EIF3L: variants seen among roughly 807,000 people sequenced by gnomAD.
EIF3L encodes eukaryotic translation initiation factor 3 subunit L.
Under a neutral mutation model 74.6 loss-of-function variants are expected in EIF3L, and 32 were observed. The observed-to-expected ratio is 0.43, with a 90% CI of 0.32 to 0.58. EIF3L has a LOEUF of 0.58. Among genes scored for constraint, EIF3L ranks in the 20% least tolerant of loss-of-function variants. The pLI is 0.06. For missense variants in EIF3L, 474 were observed against 707.8 expected, an observed-to-expected ratio of 0.67 and a Z score of 3.75; for synonymous variants, 256 against 254.4, an observed-to-expected ratio of 1.01 and a Z score of -0.06.
intron 10 of EIF3L, chr22:37,876,826 G>C (rs2145834365): frequency 6.6e-6 from 1 of 151,212 alleles, no homozygotes; most frequent in Non-Finnish European, 1.5e-5. Flanking sequence ...AGGAGGATGG[G>C]TTCAAGAATT....
intron 9 of EIF3L, 58 bp from the exon 10 acceptor site, chr22:37,875,783 C>G: frequency 6.5e-7 from 1 of 1,531,630 alleles, no homozygotes; most frequent in Admixed American, 1.8e-5. Flanking sequence ...GTTTCTACCT[C>G]TGGTTCTATC....
chr22:37,855,782 G>A (rs1032037786), intron 4 of EIF3L, 138 bp downstream of exon 4: 6 of 623,604 alleles, frequency 9.6e-6, no homozygotes, highest in Non-Finnish European at 1.7e-5. Context: ...TAGGTCCTTG[G>A]CAAAATAACT....
At position 37,868,634 on chromosome 22, in the gene EIF3L, CTT is replaced by C. The variant is rs71195065; in HGVS notation, c.580-1518_580-1517del. 4.4e-4 allele frequency among the ~76,000 whole-genome samples: 11 copies of C among 25,128 alleles called. 1 individual carries two copies. The highest frequency in any genetic ancestry group is 1.3e-3 in the African/African-American group (9 of 7,006). 16.5% of individuals were successfully genotyped at this position (25,128 alleles called of 152,430 possible). ...ACACCTGGCTATTTTTGTTTTGGTGCTTTTTTTTTTTTTTTTTTTTTTTTTGA... is the reference window on the plus strand; with the variant it reads ...ACACCTGGCTATTTTTGTTTTGGTGCTTTTTTTTTTTTTTTTTTTTTTTGA... On this transcript the variant is annotated intron_variant, in intron 7 of 12. Coordinates refer to ENST00000652021, the MANE Select transcript of EIF3L (RefSeq NM_016091.4).
chr22:37,869,538 T>G (rs1926361097), intron 7 of EIF3L, among the ~76,000 whole-genome samples: 1 of 152,084 alleles, frequency 6.6e-6, no homozygotes, highest in South Asian at 2.1e-4. Context: ...AAAAATTGAG[T>G]AGGTAGGTCT....
intron 11 of EIF3L, chr22:37,884,278 G>C (rs1450325716): frequency 1.3e-5 from 2 of 152,162 alleles, no homozygotes; most frequent in African/African-American, 4.8e-5. Context: ...TTAATGTACT[G>C]CATTTTGTTT....
At chr22:37,855,703 GACAGGA>G in intron 4 of EIF3L, 59 bp downstream of exon 4, 1 of 1,443,044 alleles carries the variant, frequency 6.9e-7, no homozygotes, top group Non-Finnish European at 9.7e-7. Flanking sequence ...TGAGTCATTA[GACAGGA>G]AGCTCAAGAG....
intron 3 of EIF3L, among the ~76,000 whole-genome samples, chr22:37,854,713 C>T (rs539659670): frequency 1.3e-5 from 2 of 152,188 alleles, no homozygotes; most frequent in Non-Finnish European, 2.9e-5. Flanking sequence ...GTGATCCACC[C>T]GCCTCAGCCT....
chr22:37,870,499 T>C (rs1336504579), intron 8 of EIF3L, 152 bp downstream of exon 8: 7 of 720,114 alleles, frequency 9.7e-6, no homozygotes, highest in African/African-American at 1.8e-5. Flanking sequence ...GTACAAACAG[T>C]AGCAGAGTAT....
intron 11 of EIF3L, 125 bp downstream of exon 11, chr22:37,878,296 T>A: frequency 7.9e-7 from 1 of 1,262,412 alleles, no homozygotes. Context: ...TGCCACAAGG[T>A]GCCAGGTGTG....
chr22:37,869,960 G>A (rs1381242312), intron 7 of EIF3L, among the ~76,000 whole-genome samples: 2 of 152,148 alleles, frequency 1.3e-5, no homozygotes, highest in African/African-American at 4.8e-5. Context: ...TTACTTCACT[G>A]TGTAGTAAGT....
chr22:37,857,162 C>G (rs566982799), intron 4 of EIF3L, among the ~76,000 whole-genome samples: 1 of 151,796 alleles, frequency 6.6e-6, no homozygotes, highest in South Asian at 2.1e-4. Flanking sequence ...GAGATCGAGA[C>G]CATCCTGGCT....
chr22:37,868,974 A>G (rs973622441), intron 7 of EIF3L, among the ~76,000 whole-genome samples: 1 of 151,714 alleles, frequency 6.6e-6, no homozygotes, highest in African/African-American at 2.4e-5. Context: ...ATGGGGTTTC[A>G]CCATGTTGGC....
intron 10 of EIF3L, chr22:37,876,295 A>AT (rs146250173): frequency 0.033 from 3,687 of 110,422 alleles, 279 homozygotes; most frequent in Admixed American, 0.084. Context: ...ACACCGGCTA[A>AT]TTTTTTTTTT....
At chr22:37,853,310 T>G (rs1380628976) in intron 3 of EIF3L, among the ~76,000 whole-genome samples, 1 of 152,134 alleles carries the variant, frequency 6.6e-6, no homozygotes, top group Non-Finnish European at 1.5e-5. Context: ...GGAGGCAAGT[T>G]TGAGAGCAGG....
At chr22:37,887,012 T>C in intron 12 of EIF3L, 167 bp downstream of exon 12, 1 of 478,240 alleles carries the variant, frequency 2.1e-6, no homozygotes, top group Non-Finnish European at 4.0e-6. Flanking sequence ...CACTGCAACC[T>C]CTGCCTCCTG....
intron 4 of EIF3L, among the ~76,000 whole-genome samples, chr22:37,856,293 T>A (rs1272149695): frequency 6.6e-6 from 1 of 151,938 alleles, no homozygotes; most frequent in Non-Finnish European, 1.5e-5. Flanking sequence ...GCCAGGCTGG[T>A]CTCGAACTGC....
intron 4 of EIF3L, among the ~76,000 whole-genome samples, chr22:37,856,148 C>T (rs1925490639): frequency 6.6e-6 from 1 of 152,070 alleles, no homozygotes; most frequent in Non-Finnish European, 1.5e-5. Flanking sequence ...ACCTCCGCCT[C>T]CCAGGTTCAA....
At position 37,874,361 on chromosome 22, in the gene EIF3L, C is replaced by G. The variant is rs774590191; in HGVS notation, c.752-9C>G. 1 of 1,613,168 alleles carries G rather than the reference C, an allele frequency of 6.2e-7. No individual in the cohort carries two copies. Among genetic ancestry groups the G allele is most frequent in the Non-Finnish European group, 8.5e-7 (1 of 1,179,524 alleles). On this transcript the variant is annotated splice_polypyrimidine_tract_variant and intron_variant, in intron 8 of 12. Coordinates refer to ENST00000652021, the MANE Select transcript of EIF3L (RefSeq NM_016091.4). ...TCCTATCAGTATTCACGGTGTCTGT[C>G]TCTTTCAGGTGACCCTGAGAGTGTG...
In EIF3L at chr22:37,851,322, A is replaced by C; in HGVS notation, c.125A>C (p.Gln42Pro). 2 of 1,614,200 alleles carry C rather than the reference A, an allele frequency of 1.2e-6. No individual in the cohort carries two copies. Among genetic ancestry groups the C allele is most frequent in the Non-Finnish European group, 1.7e-6 (2 of 1,180,030 alleles). Reference protein sequence around the residue: ...QDLAYERQYEQQTYQVIPEVI... With the variant: ...QDLAYERQYEPQTYQVIPEVI... The stretch of plus-strand genomic sequence containing the variant: ...CTTGCTTATGAACGTCAGTATGAAC[A>C]GCAAACCTATCAGGTGATCCCTGAG... The change falls in exon 3 of 13, where the codon CAG (glutamine) becomes CCG (proline). Residue 42 changes from glutamine (Q) to proline (P), a missense_variant. By Grantham distance (76) the Gln-to-Pro change is moderately conservative. This residue lies in a region of EIF3L where 141 missense variants were observed against 197.7 expected (regional missense o/e 0.71). Transcript: ENST00000652021.
Sources: gnomAD v4.1 joint callset for allele counts (sites outside exome capture counted in the v4.1 genomes callset) on GRCh38, gnomAD v4.1.1 for gene constraint, gnomAD v4.1.1 regional missense constraint, MANE v1.5 for transcripts, NCBI Gene and HGNC (gene_info 2026-07-23, HGNC 2026-07-21) for gene names.